PCDH15: variants seen among roughly 807,000 people sequenced by gnomAD.
PCDH15 encodes the protein protocadherin-15.
Under a neutral mutation model 178.5 loss-of-function variants are expected in PCDH15, and 129 were observed. The ratio of observed to expected loss-of-function variants is 0.72; its 90% CI spans 0.63 to 0.84. The LOEUF (loss-of-function observed/expected upper bound fraction) is 0.84, where lower values mean the gene tolerates loss of function less well. PCDH15 is among the 40% of genes least tolerant of loss of function. The pLI, the probability that PCDH15 is intolerant of heterozygous loss-of-function variation, is 0.00. For synonymous variants in PCDH15, 800 were observed against 732.0 expected (o/e 1.09, Z -1.50); for missense variants, 2,230 against 2,099.9 (o/e 1.06, Z -1.21).
chr10:54,220,223 T>A (rs2134181062), intron 9 of PCDH15, among the ~76,000 whole-genome samples: 1 of 152,334 alleles, frequency 6.6e-6, no homozygotes, highest in African/African-American at 2.4e-5. Context: ...TGTTAACTAG[T>A]TACTACGGTG....
chr10:54,561,561 G>A (rs528705319), intron 2 of PCDH15, among the ~76,000 whole-genome samples: 31 of 152,132 alleles, frequency 2.0e-4, no homozygotes, highest in African/African-American at 7.5e-4. Context: ...GTACCAATCA[G>A]CAGTGGTGAT....
intron 9 of PCDH15, among the ~76,000 whole-genome samples, chr10:54,232,865 T>G (rs376253051): frequency 6.6e-6 from 1 of 151,770 alleles, no homozygotes; most frequent in East Asian, 1.9e-4. Context: ...TCCTAATCCC[T>G]CTTTTATTAC....
chr10:54,948,126 G>A (rs1020116260), intron 2 of PCDH15, among the ~76,000 whole-genome samples: 3 of 151,510 alleles, frequency 2.0e-5, no homozygotes, highest in Admixed American at 6.6e-5. Context: ...TGTATACATC[G>A]ATATTTCTGC....
chr10:54,819,946 C>A (rs1246579040), intron 3 of PCDH15, among the ~76,000 whole-genome samples: 10 of 152,072 alleles, frequency 6.6e-5, no homozygotes, highest in Non-Finnish European at 8.8e-5. Flanking sequence ...AAATACATAT[C>A]ATTTAGCCTT....
chr10:54,985,755 T>C (rs946705693), intron 2 of PCDH15, among the ~76,000 whole-genome samples: 5 of 152,192 alleles, frequency 3.3e-5, no homozygotes, highest in Admixed American at 2.0e-4. Context: ...TTTCACACCA[T>C]CATCAAATTG....
chr10:55,578,187 T>C (rs1035314533), intron 2 of PCDH15, among the ~76,000 whole-genome samples: 1 of 151,842 alleles, frequency 6.6e-6, no homozygotes, highest in African/African-American at 2.4e-5. Context: ...CAGGATTATT[T>C]TATATTTTAT....
intron 2 of PCDH15, among the ~76,000 whole-genome samples, chr10:55,438,092 C>T (rs1463211036): frequency 6.6e-6 from 1 of 151,990 alleles, no homozygotes; most frequent in African/African-American, 2.4e-5. Flanking sequence ...ACCTCAGCCT[C>T]CCAAAGTGCT....
intron 15 of PCDH15, among the ~76,000 whole-genome samples, chr10:54,098,125 T>C (rs1388852511): frequency 5.9e-5 from 9 of 152,052 alleles, no homozygotes; most frequent in Admixed American, 5.9e-4. Flanking sequence ...CACATGCTTT[T>C]TACCTATTGT....
At chr10:54,572,688 C>T (rs1159590491) in intron 2 of PCDH15, among the ~76,000 whole-genome samples, 2 of 152,042 alleles carry the variant, frequency 1.3e-5, no homozygotes, top group Admixed American at 6.6e-5. Flanking sequence ...TACACTGCTT[C>T]AAGTATTATT....
chr10:55,281,936 C>T (rs1333016386), intron 1 of PCDH15, among the ~76,000 whole-genome samples: 1 of 152,156 alleles, frequency 6.6e-6, no homozygotes, highest in Non-Finnish European at 1.5e-5. Context: ...GTCTACACTT[C>T]TTCTCAGAAA....
At chr10:55,134,451 T>C (rs556543455) in intron 2 of PCDH15, among the ~76,000 whole-genome samples, 25 of 152,336 alleles carry the variant, frequency 1.6e-4, no homozygotes, top group African/African-American at 6.0e-4. Flanking sequence ...AAGGAAAATA[T>C]ATACTGTACT....
intron 20 of PCDH15, 103 bp downstream of exon 20, chr10:54,020,089 A>T (rs890629171): frequency 1.0e-6 from 1 of 971,724 alleles, no homozygotes; most frequent in Non-Finnish European, 1.6e-6. Context: ...CCACTGTGTC[A>T]TTAGGAATTG....
At chr10:55,249,105 C>G (rs1841763344) in intron 1 of PCDH15, among the ~76,000 whole-genome samples, 1 of 152,046 alleles carries the variant, frequency 6.6e-6, no homozygotes, top group African/African-American at 2.4e-5. Flanking sequence ...ATAAAATCAA[C>G]AAACAGAGAC....
chr10:53,997,413 G>A (rs2091907197), intron 20 of PCDH15, among the ~76,000 whole-genome samples: 1 of 152,096 alleles, frequency 6.6e-6, no homozygotes, highest in African/African-American at 2.4e-5. Flanking sequence ...AACTAAGGGT[G>A]TGGAAATCCT....
intron 21 of PCDH15, among the ~76,000 whole-genome samples, chr10:53,983,632 G>A (rs1237999817): frequency 6.6e-6 from 1 of 152,168 alleles, no homozygotes; most frequent in Non-Finnish European, 1.5e-5. Flanking sequence ...TTTGGGAAAT[G>A]TGCTTTTCAA....
chr10:53,997,741 A>G (rs1403736949), intron 20 of PCDH15, among the ~76,000 whole-genome samples: 1 of 152,210 alleles, frequency 6.6e-6, no homozygotes, highest in Non-Finnish European at 1.5e-5. Flanking sequence ...AGTGATTCAC[A>G]AACTGATTAG....
rs547762165 is a variant in PCDH15, at chr10:55,481,762, T to G, written c.-156+145863A>C. Among the ~76,000 whole-genome samples, 415 of 151,970 alleles carry G rather than the reference T, an allele frequency of 2.7e-3. 4 individuals are homozygous for G. Among genetic ancestry groups the G allele is most frequent in the Non-Finnish European group, 3.4e-3 (233 of 67,888 alleles). On this transcript the variant is annotated intron_variant, in intron 2 of 5. Transcript: ENST00000613346. ...GAGTGTTTTACTTCCGATTATGTTA[T>G]CAATTTTAGAGTAAGTTCCATATGC...
chr10:54,253,709 C>A (rs181057953), intron 8 of PCDH15, among the ~76,000 whole-genome samples: 6 of 151,964 alleles, frequency 3.9e-5, no homozygotes, highest in African/African-American at 1.4e-4. Flanking sequence ...ATTTTGTCAC[C>A]TTACTATATT....
intron 8 of PCDH15, among the ~76,000 whole-genome samples, chr10:54,255,650 T>C (rs2056841450): frequency 6.6e-6 from 1 of 152,116 alleles, no homozygotes; most frequent in Admixed American, 6.6e-5. Flanking sequence ...CTGGTAGCCA[T>C]ACACAGCAAT....
Sources: allele counts gnomAD v4.1 joint callset (sites outside exome capture counted in the v4.1 genomes callset), GRCh38; gene constraint gnomAD v4.1.1; transcripts MANE v1.5; gene names NCBI Gene and HGNC (gene_info 2026-07-23, HGNC 2026-07-21).